Variants in FAM167A observed in about 807,000 individuals in gnomAD.
FAM167A encodes the protein family with sequence similarity 167 member A.
A neutral mutation model predicts 14.9 loss-of-function variants in FAM167A; 23 were observed. That is an observed-to-expected ratio of 1.55 (90% CI 1.11 to 2.19). FAM167A has a LOEUF of 2.19. FAM167A is among the 30% of genes most tolerant of loss of function. FAM167A has a pLI of 0.00. For missense variants in FAM167A, 401 were observed against 281.5 expected (o/e 1.42, Z -3.04); for synonymous variants, 174 against 117.7 (o/e 1.48, Z -3.10).
chr8:11,426,553 G>T (rs1585225870), intron 2 of FAM167A, among the ~76,000 whole-genome samples: 1 of 152,318 alleles, frequency 6.6e-6, no homozygotes, highest in South Asian at 2.1e-4. Context: ...CAACAATTTA[G>T]AAAGTTTATT....
chr8:11,428,255 T>C (rs1327634665), intron 2 of FAM167A, among the ~76,000 whole-genome samples: 1 of 152,118 alleles, frequency 6.6e-6, no homozygotes, highest in African/African-American at 2.4e-5. Context: ...CTCTGTGGGG[T>C]AGCAGGAAGG....
upstream of FAM167A, among the ~76,000 whole-genome samples, chr8:11,469,821 A>G (rs1309372182): frequency 1.3e-5 from 2 of 152,048 alleles, no homozygotes; most frequent in Non-Finnish European, 2.9e-5. Context: ...TGAAGGTTGC[A>G]GTCAGCCATG....
intron 1 of FAM167A, chr8:11,445,188 G>A (rs781690704): frequency 2.0e-6 from 2 of 984,946 alleles, no homozygotes; most frequent in African/African-American, 1.8e-5. Flanking sequence ...AGCTCAGGCT[G>A]TCTGAATCTG....
At position 11,463,981 on chromosome 8, in the gene FAM167A, C is replaced by G. The variant is rs543367478; in HGVS notation, c.-398+2645G>C. 1.2e-3 allele frequency among the ~76,000 whole-genome samples: 185 copies of G among 152,312 alleles called. 2 individuals carry two copies. Among genetic ancestry groups the G allele is most frequent in the Non-Finnish European group, 1.5e-3 (103 of 68,026 alleles). Reference sequence around the variant, plus strand: ...GGCAGGGCCCTGGCATGGAGAGGAGCCTGACGCTAGACAGCTGCTGCTAGA... The same window carrying G: ...GGCAGGGCCCTGGCATGGAGAGGAGGCTGACGCTAGACAGCTGCTGCTAGA... On this transcript the variant is annotated intron_variant, in intron 1 of 2. Coordinates refer to ENST00000284486, the MANE Select transcript of FAM167A (RefSeq NM_053279.3).
At chr8:11,431,920 G>GAA in intron 2 of FAM167A, among the ~76,000 whole-genome samples, 1 of 85,410 alleles carries the variant, frequency 1.2e-5, no homozygotes, top group African/African-American at 5.2e-5. Context: ...AAAAAAAAAA[G>GAA]GATTTTGTTC....
At chr8:11,459,863 C>A (rs1807469585) in intron 1 of FAM167A, among the ~76,000 whole-genome samples, 2 of 152,064 alleles carry the variant, frequency 1.3e-5, no homozygotes, top group Admixed American at 6.5e-5. Flanking sequence ...TTACAGGCAC[C>A]CACCACCACA....
intron 1 of FAM167A, chr8:11,445,345 G>A (rs1201699466): frequency 7.1e-5 from 70 of 986,086 alleles, no homozygotes; most frequent in Non-Finnish European, 8.4e-5. Flanking sequence ...CACAGGTCCT[G>A]TCCTCCAGCA....
chr8:11,440,765 G>A (rs914593039), intron 2 of FAM167A, among the ~76,000 whole-genome samples: 5 of 152,258 alleles, frequency 3.3e-5, no homozygotes, highest in Non-Finnish European at 2.9e-5. Context: ...TAACAAATCT[G>A]TAGGAAGGGC....
intron 2 of FAM167A, chr8:11,435,074 G>A (rs1322149310): frequency 4.4e-6 from 2 of 456,812 alleles, no homozygotes; most frequent in Admixed American, 2.3e-5. Flanking sequence ...TGATGGGCAG[G>A]TCTCCCTGCT....
chr8:11,447,878 G>A (rs1164925782), intron 1 of FAM167A, among the ~76,000 whole-genome samples: 1 of 152,172 alleles, frequency 6.6e-6, no homozygotes, highest in Non-Finnish European at 1.5e-5. Context: ...ATGAAACGAA[G>A]ATGCGGGGCT....
intron 1 of FAM167A, among the ~76,000 whole-genome samples, chr8:11,463,914 G>T (rs1162689601): frequency 6.6e-6 from 1 of 152,210 alleles, no homozygotes. Context: ...CACTATAGAT[G>T]ACAACTTGGG....
At chr8:11,462,612 A>T (rs148567718) in intron 1 of FAM167A, among the ~76,000 whole-genome samples, 456 of 152,300 alleles carry the variant, frequency 3.0e-3, no homozygotes, top group African/African-American at 0.01. Context: ...ACGCTCCCTG[A>T]GGGCACGGCC....
rs1437075767 is a variant in FAM167A, at chr8:11,444,243, T to A, written c.169A>T (p.Thr57Ser). 1.2e-6 allele frequency: 2 copies of A among 1,610,894 alleles called. No individual in the cohort carries two copies. The change falls in exon 2 of 3, where the codon ACC (threonine) becomes TCC (serine). Residue 57 changes from threonine to serine, a missense_variant. Transcript: ENST00000284486. ...LEWQARLEEH[T>S]WPFPRPAAEP... ...GCAGCCGGCCTCGGGAAGGGCCAGG[T>A]ATGCTCCTCCAGCCTGGCCTGCCAT...
At chr8:11,438,808 G>C (rs1018501590) in intron 2 of FAM167A, 11 of 291,626 alleles carry the variant, frequency 3.8e-5, no homozygotes, top group African/African-American at 2.0e-4. Context: ...ACTTAGCCTT[G>C]GGAGAACAGA....
At chr8:11,426,996 G>C (rs893048341) in intron 2 of FAM167A, among the ~76,000 whole-genome samples, 3 of 152,210 alleles carry the variant, frequency 2.0e-5, no homozygotes, top group African/African-American at 7.2e-5. Context: ...AAATTCAACA[G>C]AACTGTTTTA....
In FAM167A at chr8:11,424,381, G is replaced by T; in HGVS notation, c.637C>A (p.Leu213Ile). The stretch of plus-strand genomic sequence containing the variant: ...CCCAGTCTGAGGGCTCCTCAGCAGA[G>T]AGAGAACCTCCGAGAGTTGATGTTC... ...KMNINSRRFS[L>I]C Residue 213 changes from leucine to isoleucine, a missense_variant, in exon 3 of 3, where the codon CTC (leucine) becomes ATC (isoleucine). Physicochemically the swap from Leu to Ile is conservative, Grantham distance 5 (BLOSUM62 2). Coordinates refer to ENST00000284486, the MANE Select transcript of FAM167A (RefSeq NM_053279.3). 6.2e-7 allele frequency: 1 copy of T among 1,614,104 alleles called. No individual in the cohort carries two copies. Among genetic ancestry groups the T allele is most frequent in the Non-Finnish European group, 8.5e-7 (1 of 1,180,010 alleles).
At position 11,423,376 on chromosome 8, in the gene FAM167A, A is replaced by G. The variant is rs3021511; in HGVS notation, c.*997T>C. On this transcript the variant is annotated 3_prime_UTR_variant, in exon 3 of 3. Transcript: ENST00000284486. The stretch of plus-strand genomic sequence containing the variant: ...ACAAAAATCAGTTACTAACAAGTGA[A>G]CAACACATCAGTAACAGTCTTATTA... 8,094 of 152,740 alleles carry G rather than the reference A, an allele frequency of 0.053. 282 individuals carry two copies. The highest frequency in any genetic ancestry group is 0.1 in the South Asian group (486 of 4,828). The allele number at this position is 152,740 out of a possible 1,614,324, so 9.5% of individuals were successfully genotyped here.
At chr8:11,443,418 T>G (rs540076286) in intron 2 of FAM167A, among the ~76,000 whole-genome samples, 8 of 152,090 alleles carry the variant, frequency 5.3e-5, no homozygotes, top group Non-Finnish European at 7.4e-5. Flanking sequence ...CTGAGCCAAC[T>G]CCTCCTCTGA....
At chr8:11,455,416 G>A (rs1379099752) in intron 1 of FAM167A, among the ~76,000 whole-genome samples, 3 of 127,926 alleles carry the variant, frequency 2.3e-5, no homozygotes, top group Admixed American at 8.2e-5. Flanking sequence ...GGGGGTGGCT[G>A]CTCTGCTGGG....
Sources: allele counts gnomAD v4.1 joint callset (sites outside exome capture counted in the v4.1 genomes callset), GRCh38; gene constraint gnomAD v4.1.1; transcripts MANE v1.5; gene names NCBI Gene and HGNC (gene_info 2026-07-23, HGNC 2026-07-21).